TENM3: variants seen among roughly 807,000 people sequenced by gnomAD.
The protein encoded by TENM3 is teneurin transmembrane protein 3, also known as teneurin-3.
TENM3 carries 63 observed loss-of-function variants against 255.1 expected under a neutral mutation model. The observed-to-expected ratio is 0.25, with a 90% CI of 0.20 to 0.30. The LOEUF is 0.30. Among genes scored for constraint, TENM3 ranks in the 10% least tolerant of loss-of-function variants. The pLI is 1.00. For missense variants in TENM3, 2,929 were observed against 3,461.1 expected (o/e 0.85, Z 3.86); for synonymous variants, 1,306 against 1,322.3 (o/e 0.99, Z 0.27).
At chr4:182,086,246 G>C in the TENM3 span, among the ~76,000 whole-genome samples, 2 of 152,228 alleles carry the variant, frequency 1.3e-5, no homozygotes, top group African/African-American at 4.8e-5. Flanking sequence ...GCTAATCACA[G>C]TCTGTCTTGC....
chr4:181,516,658 C>T, the TENM3 span, among the ~76,000 whole-genome samples: 1 of 152,044 alleles, frequency 6.6e-6, no homozygotes, highest in Non-Finnish European at 1.5e-5. Context: ...TGCCTGTTAT[C>T]CCAGCTACTC....
the TENM3 span, among the ~76,000 whole-genome samples, chr4:181,776,868 A>C: frequency 6.6e-6 from 1 of 152,114 alleles, no homozygotes; most frequent in African/African-American, 2.4e-5. Flanking sequence ...ATTTTGTCCC[A>C]TTCAACAGGT....
At chr4:182,551,881 G>A (rs12501398) in intron 3 of TENM3, among the ~76,000 whole-genome samples, 22,272 of 151,934 alleles carry the variant, frequency 0.15, 1,999 homozygotes, top group Non-Finnish European at 0.21. Flanking sequence ...GCCAGGCGTG[G>A]TAGTGCATGC....
chr4:182,214,686 C>T (rs113345116), intron 1 of TENM3, among the ~76,000 whole-genome samples: 15 of 151,996 alleles, frequency 9.9e-5, no homozygotes, highest in African/African-American at 2.2e-4. Flanking sequence ...TTTTTAAAAA[C>T]GCCCCTCATG....
intron 3 of TENM3, among the ~76,000 whole-genome samples, chr4:182,511,322 T>C (rs1737370381): frequency 6.6e-6 from 1 of 152,214 alleles, no homozygotes; most frequent in African/African-American, 2.4e-5. Flanking sequence ...CCACTGTGCA[T>C]ATCACTATCC....
At chr4:181,695,787 G>GT in the TENM3 span, among the ~76,000 whole-genome samples, 34 of 152,090 alleles carry the variant, frequency 2.2e-4, no homozygotes, top group Non-Finnish European at 8.8e-5. Flanking sequence ...TAAAAAACAG[G>GT]TTTTTTTGAA....
At chr4:182,749,874 C>G (rs554130818) in intron 19 of TENM3, among the ~76,000 whole-genome samples, 31 of 152,200 alleles carry the variant, frequency 2.0e-4, no homozygotes, top group African/African-American at 7.2e-4. Flanking sequence ...GGGGCCTCTC[C>G]AATGTCATGT....
the TENM3 span, among the ~76,000 whole-genome samples, chr4:181,511,834 G>A: frequency 3.3e-5 from 5 of 152,132 alleles, no homozygotes; most frequent in South Asian, 2.1e-4. Flanking sequence ...ATCCAGTCAC[G>A]GAAAACATTT....
At chr4:181,844,676 A>T in the TENM3 span, among the ~76,000 whole-genome samples, 6 of 149,300 alleles carry the variant, frequency 4.0e-5, 1 homozygote, top group South Asian at 8.5e-4. Context: ...TCAAAAAAAT[A>T]AAATAAAATA....
chr4:182,122,486 C>T, the TENM3 span, among the ~76,000 whole-genome samples: 4 of 152,100 alleles, frequency 2.6e-5, no homozygotes, highest in Non-Finnish European at 2.9e-5. Flanking sequence ...TGAATATCTG[C>T]GCATCTCCAT....
intron 2 of TENM3, among the ~76,000 whole-genome samples, chr4:182,324,931 A>G (rs1580162497): frequency 1.3e-5 from 2 of 152,120 alleles, no homozygotes; most frequent in Non-Finnish European, 2.9e-5. Context: ...TGGAATCATG[A>G]CTCCTGTAAC....
the TENM3 span, among the ~76,000 whole-genome samples, chr4:181,920,890 C>T: frequency 1.8e-3 from 270 of 152,174 alleles, 2 homozygotes; most frequent in African/African-American, 5.6e-3. Flanking sequence ...GTCTTTAATC[C>T]GTCTTGAATT....
the TENM3 span, among the ~76,000 whole-genome samples, chr4:181,636,027 A>T: frequency 6.6e-6 from 1 of 150,786 alleles, no homozygotes; most frequent in Admixed American, 6.6e-5. Flanking sequence ...GTGGAAGGAA[A>T]GAGAGAGAAA....
At chr4:182,203,854 A>C (rs1754368239) in intron 1 of TENM3, among the ~76,000 whole-genome samples, 1 of 152,188 alleles carries the variant, frequency 6.6e-6, no homozygotes, top group Admixed American at 6.5e-5. Context: ...CTCCCTCCTA[A>C]ACATGGTGGA....
chr4:182,472,643 T>C (rs79802004), intron 3 of TENM3, among the ~76,000 whole-genome samples: 3,382 of 152,300 alleles, frequency 0.022, 71 homozygotes, highest in East Asian at 0.068. Flanking sequence ...TCAAATACTT[T>C]TCATCACAAG....
At chr4:182,730,166 G>A in intron 14 of TENM3, 34 bp from the exon 15 acceptor site, 1 of 1,612,570 alleles carries the variant, frequency 6.2e-7, no homozygotes, top group Non-Finnish European at 8.5e-7. Context: ...TGAAAAGACA[G>A]ATGTTCATTC....
chr4:182,499,887 A>G (rs1253331852), intron 3 of TENM3, among the ~76,000 whole-genome samples: 1 of 152,222 alleles, frequency 6.6e-6, no homozygotes, highest in Non-Finnish European at 1.5e-5. Flanking sequence ...TGCTGTATAC[A>G]TAAACATTGA....
chr4:182,482,330 C>G lies in TENM3; in HGVS notation c.512-118594C>G, dbSNP rs796418689. On this transcript the variant is annotated intron_variant, in intron 3 of 27. Transcript: ENST00000511685. ...TAAAGTAAACCTAGTTATTAATATG[C>G]TTATATCTATATTGTAGATTTTTTG... 3.9e-5 allele frequency among the ~76,000 whole-genome samples: 6 copies of G among 152,124 alleles called. 1 individual carries two copies. Among genetic ancestry groups the G allele is most frequent in the African/African-American group, 1.4e-4 (6 of 41,542 alleles).
intron 16 of TENM3, among the ~76,000 whole-genome samples, chr4:182,735,455 A>G (rs902798017): frequency 6.6e-6 from 1 of 152,178 alleles, no homozygotes; most frequent in African/African-American, 2.4e-5. Flanking sequence ...TACTGAAGTT[A>G]TTAAAGTTTG....
Sources: allele counts gnomAD v4.1 joint callset (sites outside exome capture counted in the v4.1 genomes callset), GRCh38; gene constraint gnomAD v4.1.1; transcripts MANE v1.5; gene names NCBI Gene and HGNC (gene_info 2026-07-23, HGNC 2026-07-21).